Variants in ADD3 observed in about 807,000 individuals in gnomAD.
ADD3 encodes adducin 3.
ADD3 carries 25 observed loss-of-function variants against 80.2 expected under a neutral mutation model. The observed-to-expected ratio is 0.31, with a 90% CI of 0.23 to 0.44. The LOEUF (loss-of-function observed/expected upper bound fraction) is 0.44, where lower values mean the gene tolerates loss of function less well. Ranked by LOEUF, ADD3 falls within the 20% of genes least tolerant of loss-of-function variation. ADD3 has a pLI of 1.00. For missense variants in ADD3, 829 were observed against 847.5 expected (o/e 0.98, Z 0.27); for synonymous variants, 284 against 289.6 (o/e 0.98, Z 0.20).
intron 1 of ADD3, among the ~76,000 whole-genome samples, chr10:110,063,662 G>T (rs901526133): frequency 2.1e-5 from 3 of 143,564 alleles, no homozygotes; most frequent in Non-Finnish European, 4.5e-5. Context: ...ACTTTTAAAT[G>T]CAAGTTTAAC....
intron 1 of ADD3, among the ~76,000 whole-genome samples, chr10:110,015,581 A>G (rs1852874870): frequency 6.6e-6 from 1 of 151,956 alleles, no homozygotes; most frequent in Non-Finnish European, 1.5e-5. Flanking sequence ...TTACCATGTT[A>G]GCCCGGATGG....
At chr10:110,070,328 C>T (rs1208344442) in intron 1 of ADD3, among the ~76,000 whole-genome samples, 1 of 152,006 alleles carries the variant, frequency 6.6e-6, no homozygotes, top group African/African-American at 2.4e-5. Flanking sequence ...ACCATGATAC[C>T]TGTTCACTTG....
At chr10:110,056,849 G>A (rs1243172017) in intron 1 of ADD3, among the ~76,000 whole-genome samples, 4 of 152,140 alleles carry the variant, frequency 2.6e-5, no homozygotes, top group Non-Finnish European at 4.4e-5. Context: ...TGCACCTGGA[G>A]CAAAGGAAAA....
chr10:110,048,916 T>C (rs1857190042), intron 1 of ADD3, among the ~76,000 whole-genome samples: 1 of 152,172 alleles, frequency 6.6e-6, no homozygotes, highest in Admixed American at 6.5e-5. Context: ...GGGGAAAATG[T>C]TTCCAGGGGA....
At chr10:110,087,037 A>AT (rs1358416829) in intron 1 of ADD3, among the ~76,000 whole-genome samples, 2 of 150,264 alleles carry the variant, frequency 1.3e-5, no homozygotes, top group African/African-American at 2.4e-5. Context: ...TTTTTTTTTT[A>AT]TTTTTTTGAG....
At chr10:110,030,003 A>T (rs1854801505) in intron 1 of ADD3, among the ~76,000 whole-genome samples, 1 of 152,070 alleles carries the variant, frequency 6.6e-6, no homozygotes, top group Non-Finnish European at 1.5e-5. Flanking sequence ...ATGATAGCTG[A>T]CCTGACTGGA....
chr10:110,036,267 A>G (rs919723192), intron 1 of ADD3, among the ~76,000 whole-genome samples: 1 of 152,056 alleles, frequency 6.6e-6, no homozygotes, highest in Admixed American at 6.6e-5. Flanking sequence ...CATGGAGTCC[A>G]GTTTCATTAT....
In ADD3 at chr10:110,106,501, G is replaced by A. The variant is rs917455759; in HGVS notation, c.195+5653G>A. Among the ~76,000 whole-genome samples, 4 of 152,160 alleles carry A rather than the reference G, an allele frequency of 2.6e-5. No homozygotes were observed. In the East Asian group the frequency reaches 7.7e-4, roughly 29 times the overall value. On this transcript the variant is annotated intron_variant, in intron 2 of 14. Transcript: ENST00000356080. The stretch of plus-strand genomic sequence containing the variant: ...TTTGGTTTATAGTATTCCGGAATAT[G>A]TGAGTACTTAAAGTATATTCTTAGC...
chr10:110,065,127 C>G (rs1843741384), intron 1 of ADD3, among the ~76,000 whole-genome samples: 1 of 152,064 alleles, frequency 6.6e-6, no homozygotes, highest in Admixed American at 6.5e-5. Context: ...TAATTTCTTT[C>G]TTCCTAGAAT....
intron 1 of ADD3, among the ~76,000 whole-genome samples, chr10:110,020,597 A>T (rs1206488252): frequency 2.0e-5 from 3 of 152,180 alleles, no homozygotes; most frequent in Non-Finnish European, 4.4e-5. Flanking sequence ...GATAACTTCA[A>T]ACAGAGGTGT....
chr10:110,011,840 T>C (rs912551017), intron 1 of ADD3, among the ~76,000 whole-genome samples: 1 of 152,220 alleles, frequency 6.6e-6, no homozygotes, highest in Non-Finnish European at 1.5e-5. Context: ...CCAGAGTGTT[T>C]ATAGGTGAGA....
chr10:110,041,397 A>C (rs1856343040), intron 1 of ADD3, among the ~76,000 whole-genome samples: 1 of 152,184 alleles, frequency 6.6e-6, no homozygotes, highest in African/African-American at 2.4e-5. Flanking sequence ...CAGACTAAGA[A>C]AATGCCAGTG....
intron 1 of ADD3, among the ~76,000 whole-genome samples, chr10:110,041,513 C>T (rs1250440416): frequency 6.6e-6 from 1 of 152,150 alleles, no homozygotes; most frequent in Non-Finnish European, 1.5e-5. Context: ...GCCTAAGTTT[C>T]CTCATCTGTA....
At position 110,065,832 on chromosome 10, in the gene ADD3, G is replaced by A. The variant is rs905879512; in HGVS notation, c.-29-34793G>A. On this transcript the variant is annotated intron_variant, in intron 1 of 14. Coordinates refer to ENST00000356080, the MANE Select transcript of ADD3 (RefSeq NM_016824.5). ...TGGGATTACAGGTGTGAGCCACGGC[G>A]CCCGACCTCTTTTAGCCTCTCTTCT... Among the ~76,000 whole-genome samples, 17 of 151,678 alleles carry A rather than the reference G, an allele frequency of 1.1e-4. 1 individual carries two copies. The highest frequency in any genetic ancestry group is 4.6e-4 in the Admixed American group (7 of 15,246).
rs1853447985 is a variant in ADD3, at chr10:110,134,459, A to ATT, written c.*842_*843insTT. ...GCTGCTTGGTACTGAGTATACTTAAATATAACTCCAGAATCCAGGGACTTG... is the reference window on the plus strand; with the variant it reads ...GCTGCTTGGTACTGAGTATACTTAAATTTATAACTCCAGAATCCAGGGACTTG... On this transcript the variant is annotated 3_prime_UTR_variant, in exon 15 of 15. Coordinates refer to ENST00000356080, the MANE Select transcript of ADD3 (RefSeq NM_016824.5). 6.6e-6 allele frequency: 1 copy of ATT among 152,598 alleles called. No individual in the cohort carries two copies. Among genetic ancestry groups the ATT allele is most frequent in the African/African-American group, 2.4e-5 (1 of 41,444 alleles). 9.5% of individuals were successfully genotyped at this position (152,598 alleles called of 1,614,324 possible).
intron 2 of ADD3, among the ~76,000 whole-genome samples, chr10:110,108,020 A>C (rs1182996800): frequency 6.6e-6 from 1 of 152,098 alleles, no homozygotes; most frequent in African/African-American, 2.4e-5. Flanking sequence ...AGTTTATGCC[A>C]TGGTTTTGTG....
intron 1 of ADD3, among the ~76,000 whole-genome samples, chr10:110,089,134 G>T (rs1847164037): frequency 6.6e-6 from 1 of 152,006 alleles, no homozygotes; most frequent in South Asian, 2.1e-4. Context: ...ATGCAGTAAA[G>T]TATGAAGTAT....
chr10:110,034,552 G>GTTT, intron 1 of ADD3, among the ~76,000 whole-genome samples: 1 of 151,882 alleles, frequency 6.6e-6, no homozygotes, highest in East Asian at 1.9e-4. Context: ...GAGCTGAAAG[G>GTTT]AAAACCAAAG....
At chr10:110,035,940 C>T (rs1855586569) in intron 1 of ADD3, among the ~76,000 whole-genome samples, 2 of 152,078 alleles carry the variant, frequency 1.3e-5, no homozygotes, top group Admixed American at 1.3e-4. Context: ...CACCTGAGGT[C>T]AGGAGTTCGA....
Sources: allele counts gnomAD v4.1 joint callset (sites outside exome capture counted in the v4.1 genomes callset), GRCh38; gene constraint gnomAD v4.1.1; transcripts MANE v1.5; gene names NCBI Gene and HGNC (gene_info 2026-07-23, HGNC 2026-07-21).